IL34: variants seen among roughly 807,000 people sequenced by gnomAD.
IL34 encodes interleukin-34.
IL34 carries 17 observed loss-of-function variants against 25.3 expected under a neutral mutation model. The ratio of observed to expected loss-of-function variants is 0.67; its 90% CI spans 0.46 to 1.01. IL34 has a LOEUF of 1.01. Among genes scored for constraint, IL34 ranks in the 50% least tolerant of loss-of-function variants. The probability of loss-of-function intolerance (pLI) is 0.00; values close to 1 mark genes in which losing one functional copy is unlikely to be tolerated. For missense variants in IL34, 368 were observed against 312.9 expected (o/e 1.18, Z -1.33); for synonymous variants, 174 against 140.9 (o/e 1.23, Z -1.66).
chr16:70,625,519 G>C (rs1352167330), intron 1 of IL34, among the ~76,000 whole-genome samples: 1 of 152,002 alleles, frequency 6.6e-6, no homozygotes, highest in Non-Finnish European at 1.5e-5. Context: ...GGGAGAGAAG[G>C]AGTTGGGGAA....
chr16:70,658,795 C>T (rs2052302798), intron 4 of IL34, among the ~76,000 whole-genome samples: 1 of 152,162 alleles, frequency 6.6e-6, no homozygotes, highest in African/African-American at 2.4e-5. Context: ...TGGCCTTCTG[C>T]CCTGTTTCCA....
At chr16:70,615,090 A>G (rs1204916030) in intron 1 of IL34, among the ~76,000 whole-genome samples, 1 of 152,212 alleles carries the variant, frequency 6.6e-6, no homozygotes, top group African/African-American at 2.4e-5. Context: ...CTCCTGATCT[A>G]TGGCTCCCCT....
chr16:70,620,487 T>G (rs2051257687), intron 1 of IL34, among the ~76,000 whole-genome samples: 1 of 151,684 alleles, frequency 6.6e-6, no homozygotes, highest in African/African-American at 2.4e-5. Flanking sequence ...TGAGGAAGAA[T>G]TGGGACCTAG....
chr16:70,614,142 C>T (rs1419574964), intron 1 of IL34, among the ~76,000 whole-genome samples: 1 of 151,214 alleles, frequency 6.6e-6, no homozygotes, highest in Non-Finnish European at 1.5e-5. Context: ...TGTGATCATG[C>T]CCCTGCACTC....
chr16:70,642,294 CTTTTTT>C (rs531744889), upstream of IL34, among the ~76,000 whole-genome samples: 3 of 116,938 alleles, frequency 2.6e-5, no homozygotes, highest in Admixed American at 9.0e-5. Context: ...ACTCTGATGT[CTTTTTT>C]TTTTTTTTTT....
chr16:70,623,349 A>G (rs529044859), intron 1 of IL34, among the ~76,000 whole-genome samples: 28 of 152,220 alleles, frequency 1.8e-4, no homozygotes, highest in East Asian at 1.7e-3. Context: ...TTGACACCAT[A>G]GGGTGGATAG....
At chr16:70,629,983 T>C (rs1435313515) in intron 1 of IL34, among the ~76,000 whole-genome samples, 1 of 152,216 alleles carries the variant, frequency 6.6e-6, no homozygotes, top group Non-Finnish European at 1.5e-5. Flanking sequence ...CAACCAACCA[T>C]CATTTCCACT....
intron 1 of IL34, among the ~76,000 whole-genome samples, chr16:70,609,436 C>G (rs1348098502): frequency 6.6e-6 from 1 of 152,078 alleles, no homozygotes; most frequent in Non-Finnish European, 1.5e-5. Flanking sequence ...GTCCTGGGAC[C>G]AGTGCTTTTA....
chr16:70,656,815 C>T, intron 3 of IL34, 136 bp downstream of exon 3: 1 of 1,064,618 alleles, frequency 9.4e-7, no homozygotes, highest in South Asian at 1.3e-5. Flanking sequence ...GCAGGCTGGC[C>T]CTTGGCCCAG....
At chr16:70,593,319 A>G (rs778032356) in intron 1 of IL34, among the ~76,000 whole-genome samples, 8 of 152,130 alleles carry the variant, frequency 5.3e-5, no homozygotes, top group Non-Finnish European at 1.0e-4. Context: ...TTTTATTTCA[A>G]GGATCGTGCT....
At chr16:70,627,440 C>T (rs577368263) in intron 1 of IL34, among the ~76,000 whole-genome samples, 1 of 143,242 alleles carries the variant, frequency 7.0e-6, no homozygotes, top group Admixed American at 6.9e-5. Context: ...TCCCCTCCCC[C>T]TCCGCTCCCC....
At chr16:70,649,919 C>T (rs1175170627) in intron 1 of IL34, among the ~76,000 whole-genome samples, 1 of 152,184 alleles carries the variant, frequency 6.6e-6, no homozygotes, top group Non-Finnish European at 1.5e-5. Context: ...GTGTCTCAGC[C>T]TCCCGAGTAG....
intron 1 of IL34, among the ~76,000 whole-genome samples, chr16:70,610,510 T>C (rs898889490): frequency 1.3e-5 from 2 of 152,222 alleles, no homozygotes; most frequent in Non-Finnish European, 2.9e-5. Flanking sequence ...GACACAATGA[T>C]GACACCAGAA....
chr16:70,634,210 C>T (rs1014575796), intron 1 of IL34, among the ~76,000 whole-genome samples: 1 of 152,078 alleles, frequency 6.6e-6, no homozygotes, highest in African/African-American at 2.4e-5. Flanking sequence ...CTGGTATGAC[C>T]TCACTCTAAT....
At chr16:70,643,218 G>A (rs1436563252), upstream of IL34, among the ~76,000 whole-genome samples, 7 of 151,724 alleles carry the variant, frequency 4.6e-5, no homozygotes, top group African/African-American at 1.2e-4. Flanking sequence ...GCGCACCACC[G>A]TGCCTGGCTA....
chr16:70,594,509 A>G (rs1474461308), intron 1 of IL34, among the ~76,000 whole-genome samples: 3 of 152,194 alleles, frequency 2.0e-5, no homozygotes, highest in African/African-American at 4.8e-5. Context: ...CCATTCATCT[A>G]TCCAAAGACA....
chr16:70,605,417 A>G (rs1359327609), intron 1 of IL34, among the ~76,000 whole-genome samples: 1 of 152,222 alleles, frequency 6.6e-6, no homozygotes, highest in East Asian at 1.9e-4. Context: ...ATTCAGTCAC[A>G]TCAGTGCATT....
intron 1 of IL34, among the ~76,000 whole-genome samples, chr16:70,591,274 C>G (rs1054239566): frequency 2.0e-5 from 3 of 152,168 alleles, no homozygotes; most frequent in South Asian, 2.1e-4. Context: ...CCAACCTGGC[C>G]CCTGATAGGC....
At chr16:70,605,677 C>CT (rs896656528) in intron 1 of IL34, among the ~76,000 whole-genome samples, 1 of 151,902 alleles carries the variant, frequency 6.6e-6, no homozygotes, top group Non-Finnish European at 1.5e-5. Context: ...CTCTTCTCTT[C>CT]TTTTTTTTCT....
Sources: allele counts gnomAD v4.1 joint callset (sites outside exome capture counted in the v4.1 genomes callset), GRCh38; gene constraint gnomAD v4.1.1; transcripts MANE v1.5; gene names NCBI Gene and HGNC (gene_info 2026-07-23, HGNC 2026-07-21).